Variants in TRAM1L1 observed in about 807,000 individuals in gnomAD.
The protein encoded by TRAM1L1 is translocating chain-associated membrane protein 1-like 1.
For missense variants in TRAM1L1, 451 were observed against 439.9 expected, an observed-to-expected ratio of 1.03 and a Z score of -0.23; for synonymous variants, 189 against 163.6, an observed-to-expected ratio of 1.16 and a Z score of -1.18.
rs369752111 is a variant in TRAM1L1, at chr4:117,084,259, A to G, written c.*25T>C. The G allele has an allele frequency of 6.4e-7, 1 of 1,562,266 alleles. No individual in the cohort carries two copies. The highest frequency in any genetic ancestry group is 8.6e-7 in the Non-Finnish European group (1 of 1,158,832). On this transcript the variant is annotated 3_prime_UTR_variant, in exon 1 of 1. Transcript: ENST00000310754. The stretch of plus-strand genomic sequence containing the variant: ...CCTCAAAGAGCAGATTCCTTTGCAG[A>G]CATTAATCAATGCGCTTGCAAAGAT...
In TRAM1L1 at chr4:117,085,308, C is replaced by A. The variant is rs1274029094; in HGVS notation, c.86G>T (p.Cys29Phe). The A allele has an allele frequency of 1.9e-6, 3 of 1,614,070 alleles. No individual in the cohort carries two copies. The highest frequency in any genetic ancestry group is 2.2e-5 in the East Asian group (1 of 44,828). The change falls in exon 1 of 1, where the codon TGC becomes TTC. Residue 29 changes from cysteine to phenylalanine, a missense_variant. Cys to Phe is a radical substitution (Grantham distance 205). Transcript: ENST00000310754. ...CCCCAGCAGGAAGAACATCCCCACG[C>A]AGGAGACGATGTCCGCATGATTCTG... is the stretch of plus-strand genomic sequence containing the variant. ...ILQNHADIVS[C>F]VGMFFLLGLV...
Position 117,084,760 on chromosome 4 carries a change from G to A in TRAM1L1, c.634C>T (p.Leu212Phe). The change falls in exon 1 of 1, where the codon CTC (leucine) becomes TTC (phenylalanine). Residue 212 changes from leucine (L) to phenylalanine (F), a missense_variant. Transcript: ENST00000310754. The stretch of plus-strand genomic sequence containing the variant: ...AGTCCCAAATGATTCAAGTACAAGA[G>A]ATAAGCTCCAGTAATGTGGAAGAGG... ...LHLFHITGAY[L>F]LYLNHLGLLL... is the part of the protein sequence containing the mutation. 1 of 1,614,192 alleles carries A rather than the reference G, an allele frequency of 6.2e-7. No individual in the cohort carries two copies. The highest frequency in any genetic ancestry group is 8.5e-7 in the Non-Finnish European group (1 of 1,180,038).
At position 117,084,970 on chromosome 4, in the gene TRAM1L1, AG is replaced by A; in HGVS notation, c.423del (p.Ser142LeufsTer19). 6.2e-7 allele frequency: 1 copy of A among 1,614,142 alleles called. No homozygotes were observed. The highest frequency in any genetic ancestry group is 8.5e-7 in the Non-Finnish European group (1 of 1,180,038). On this transcript the variant is annotated frameshift_variant, in exon 1 of 1. Transcript: ENST00000310754. LOFTEE classifies it low-confidence loss of function (END_TRUNC). ...GTTGGGTCTGACAGGCAGTTTTCAG[AG>A]ATTAAAATGAATGTGCCCCAAATAC... ...FSCIWGTFIL[I>X]SENCLSDPTL...
chr4:117,084,536 G>T lies in TRAM1L1; in HGVS notation c.858C>A (p.Ala286=). ...LAGSQNRNPD[A]LTGNVNVLAA... is the part of the protein sequence containing the mutation. ...CCAACACATTTACATTTCCAGTAAG[G>T]GCATCAGGATTCCGATTCTGCGATC... The change falls in exon 1 of 1, where the codon GCC becomes GCA. Residue 286 remains alanine, a synonymous_variant. Transcript: ENST00000310754. 6.2e-7 allele frequency: 1 copy of T among 1,614,052 alleles called. No individual in the cohort carries two copies. Among genetic ancestry groups the T allele is most frequent in the Non-Finnish European group, 8.5e-7 (1 of 1,180,018 alleles).
At position 117,084,908 on chromosome 4, in the gene TRAM1L1, T is replaced by G. The variant is rs1732420428; in HGVS notation, c.486A>C (p.Thr162=). ...ATATGTAGAAAAACTTCATTTGAAATGTCATCATGCTATGGGGACGAGCCT... is the reference window on the plus strand; with the variant it reads ...ATATGTAGAAAAACTTCATTTGAAAGGTCATCATGCTATGGGGACGAGCCT... ...IWKARPHSMM[T]FQMKFFYISQ... is the part of the protein sequence containing the mutation. Residue 162 remains threonine (T), a synonymous_variant, in exon 1 of 1, where the codon ACA becomes ACC. Coordinates refer to ENST00000310754, the MANE Select transcript of TRAM1L1 (RefSeq NM_152402.3). The G allele has an allele frequency of 6.2e-7, 1 of 1,614,126 alleles. No individual in the cohort carries two copies. The highest frequency in any genetic ancestry group is 1.3e-5 in the African/African-American group (1 of 75,022).
In TRAM1L1 at chr4:117,085,241, G is replaced by A. The variant is rs754643166; in HGVS notation, c.153C>T (p.Leu51=). Reference sequence around the variant, plus strand: ...GGACAGCAACACTGTGCTGAAGAGTGAGAAACACGATGGATGCTTCTGCTG... The same window carrying A: ...GGACAGCAACACTGTGCTGAAGAGTAAGAAACACGATGGATGCTTCTGCTG... ...EGTAEASIVF[L]TLQHSVAVPA... Residue 51 remains leucine (L), a synonymous_variant, in exon 1 of 1, where the codon CTC becomes CTT. Coordinates refer to ENST00000310754, the MANE Select transcript of TRAM1L1 (RefSeq NM_152402.3). The A allele has an allele frequency of 6.8e-6, 11 of 1,614,028 alleles. No individual in the cohort carries two copies. In the Admixed American group the frequency reaches 1.8e-4, roughly 27 times the overall value.
In TRAM1L1 at chr4:117,084,548, C is replaced by A. The variant is rs756351377; in HGVS notation, c.846G>T (p.Arg282=). 1.2e-6 allele frequency: 2 copies of A among 1,614,152 alleles called. No homozygotes were observed. The highest frequency in any genetic ancestry group is 1.7e-6 in the Non-Finnish European group (2 of 1,180,030). The part of the protein sequence containing the change: ...VGFHLAGSQN[R]NPDALTGNVN... The stretch of plus-strand genomic sequence containing the variant: ...CATTTCCAGTAAGGGCATCAGGATT[C>A]CGATTCTGCGATCCAGCCAGGTGAA... The change falls in exon 1 of 1, where the codon CGG becomes CGT. Residue 282 remains arginine, a synonymous_variant. Transcript: ENST00000310754.
At position 117,084,813 on chromosome 4, in the gene TRAM1L1, G is replaced by A; in HGVS notation, c.581C>T (p.Pro194Leu). 3.1e-6 allele frequency: 5 copies of A among 1,614,154 alleles called. No individual in the cohort carries two copies. Among genetic ancestry groups the A allele is most frequent in the Non-Finnish European group, 4.2e-6 (5 of 1,180,026 alleles). ...AAGACCAATGTAGACAAGTTGACGA[G>A]GGATGTCTTGTTTTTTGGTTTTCTG... ...YFQKTKKQDI[P>L]RQLVYIGLHL... The change falls in exon 1 of 1, where the codon CCT (proline) becomes CTT (leucine). Residue 194 changes from proline to leucine, a missense_variant. Physicochemically the swap from Pro to Leu is moderately conservative, Grantham distance 98 (BLOSUM62 -3). Coordinates refer to ENST00000310754, the MANE Select transcript of TRAM1L1 (RefSeq NM_152402.3).
rs1732403432 is a variant in TRAM1L1 at position 117,084,137 on chromosome 4, CAAATGTCTTTAAA to C, written c.*134_*146del. 1.3e-6 allele frequency: 1 copy of C among 780,036 alleles called. No homozygotes were observed. The highest frequency in any genetic ancestry group is 1.9e-6 in the Non-Finnish European group (1 of 514,672). 48.3% of individuals were successfully genotyped at this position (780,036 alleles called of 1,614,324 possible). ...CCATTCATAATAATCCTCCTCCCCT[CAAATGTCTTTAAA>C]AAATACATGAAACAGTTCAATAACA... On this transcript the variant is annotated 3_prime_UTR_variant, in exon 1 of 1. Transcript: ENST00000310754.
chr4:117,084,683 G>A lies in TRAM1L1; in HGVS notation c.711C>T (p.Gly237=), dbSNP rs1732414885. ...ACTTTTCATCACTAAAGTAAAACAG[G>A]CCGCACATGTGGGAAAGTAATTCAA... The part of the protein sequence containing the change: ...YFVELLSHMC[G]LFYFSDEKYQ... Residue 237 remains glycine (G), a synonymous_variant, in exon 1 of 1, where the codon GGC becomes GGT. Coordinates refer to ENST00000310754, the MANE Select transcript of TRAM1L1 (RefSeq NM_152402.3). 4.3e-6 allele frequency: 7 copies of A among 1,614,074 alleles called. No individual in the cohort carries two copies. The highest frequency in any genetic ancestry group is 3.3e-5 in the Admixed American group (2 of 60,008).
chr4:117,083,680 ATG>A lies in TRAM1L1; in HGVS notation c.*602_*603del, dbSNP rs1732390395. 6.6e-6 allele frequency: 1 copy of A among 152,586 alleles called. No homozygotes were observed. The highest frequency in any genetic ancestry group is 1.5e-5 in the Non-Finnish European group (1 of 68,018). 9.5% of individuals were successfully genotyped at this position (152,586 alleles called of 1,614,324 possible). ...AATATATATGGCAGCAAACCTCCAT[ATG>A]TGTTACCCATTAGTACTGTGTTTTT... On this transcript the variant is annotated 3_prime_UTR_variant, in exon 1 of 1. Coordinates refer to ENST00000310754, the MANE Select transcript of TRAM1L1 (RefSeq NM_152402.3).
At position 117,083,950 on chromosome 4, in the gene TRAM1L1, A is replaced by C. The variant is rs1732399775; in HGVS notation, c.*334T>G. On this transcript the variant is annotated 3_prime_UTR_variant, in exon 1 of 1. Transcript: ENST00000310754. ...ATTATGAAACACTGGTGGGAGTAAG[A>C]ACCAGTATCATTGATATGCAAAATT... The C allele has an allele frequency of 4.8e-6, 1 of 206,302 alleles. No homozygotes were observed. Among genetic ancestry groups the C allele is most frequent in the Non-Finnish European group, 9.7e-6 (1 of 103,570 alleles). 12.8% of individuals were successfully genotyped at this position (206,302 alleles called of 1,614,324 possible).
Position 117,085,464 on chromosome 4 carries a change from G to C in TRAM1L1, c.-71C>G. On this transcript the variant is annotated 5_prime_UTR_variant, in exon 1 of 1. Coordinates refer to ENST00000310754, the MANE Select transcript of TRAM1L1 (RefSeq NM_152402.3). ...CCTGGCTGCTCCTCACAGCGCCGCC[G>C]CCACGGTAGCAGCTCCGGGGGCTCC... The C allele has an allele frequency of 6.5e-7, 1 of 1,540,138 alleles. No individual in the cohort carries two copies. The highest frequency in any genetic ancestry group is 1.2e-5 in the South Asian group (1 of 80,568).
At position 117,084,296 on chromosome 4, in the gene TRAM1L1, C is replaced by T. The variant is rs201199191; in HGVS notation, c.1098G>A (p.Glu366=). 6.2e-7 allele frequency: 1 copy of T among 1,606,342 alleles called. No individual in the cohort carries two copies. The highest frequency in any genetic ancestry group is 1.3e-5 in the African/African-American group (1 of 74,332). ...NRVDCPPKRK[E]KSS ...GCGCTTGCAAAGATTATGAAGATTT[C>T]TCTTTCCTCTTTGGCGGACAGTCTA... Residue 366 remains glutamate (E), a synonymous_variant, in exon 1 of 1, where the codon GAG becomes GAA. Coordinates refer to ENST00000310754, the MANE Select transcript of TRAM1L1 (RefSeq NM_152402.3).
At position 117,084,419 on chromosome 4, in the gene TRAM1L1, T is replaced by C; in HGVS notation, c.975A>G (p.Glu325=). Residue 325 remains glutamate (E), a synonymous_variant, in exon 1 of 1, where the codon GAA becomes GAG. Transcript: ENST00000310754. ...LITLWLQRWV[E]DSNIQASCMK... ...TACATGAGGCCTGAATATTAGAATC[T>C]TCTACCCACCTCTGAAGCCAGAGAG... The C allele has an allele frequency of 6.2e-7, 1 of 1,614,184 alleles. No homozygotes were observed. The highest frequency in any genetic ancestry group is 1.7e-5 in the Admixed American group (1 of 60,008).
Position 117,085,389 on chromosome 4 carries a change from C to T in TRAM1L1, c.5G>A (p.Gly2Glu). Residue 2 changes from glycine (G) to glutamate (E), a missense_variant, in exon 1 of 1, where the codon GGG becomes GAG. Coordinates refer to ENST00000310754, the MANE Select transcript of TRAM1L1 (RefSeq NM_152402.3). ...GTTCTTGGTGCTCTTCTTACGGAGC[C>T]CCATGGTGGCGCTTCCCGGATACTC... is the stretch of plus-strand genomic sequence containing the variant. M[G>E]LRKKSTKNPP... 1 of 1,604,528 alleles carries T rather than the reference C, an allele frequency of 6.2e-7. No homozygotes were observed. The highest frequency in any genetic ancestry group is 8.5e-7 in the Non-Finnish European group (1 of 1,173,158).
chr4:117,084,471 T>G lies in TRAM1L1; in HGVS notation c.923A>C (p.Gln308Pro). 6.2e-7 allele frequency: 1 copy of G among 1,614,188 alleles called. No homozygotes were observed. Among genetic ancestry groups the G allele is most frequent in the Non-Finnish European group, 8.5e-7 (1 of 1,180,040 alleles). Residue 308 changes from glutamine (Q) to proline (P), a missense_variant, in exon 1 of 1, where the codon CAA becomes CCA. Transcript: ENST00000310754. ...IAVLSSSCTI[Q>P]AYVTWNLITL... The stretch of plus-strand genomic sequence containing the variant: ...AATTAAGTTCCATGTTACGTAGGCT[T>G]GGATCGTGCAACTGGACGACAGAAC...
rs1732406614 is a variant in TRAM1L1 at position 117,084,290 on chromosome 4, A to C, written c.1104T>G (p.Ser368=). Residue 368 remains serine, a synonymous_variant, in exon 1 of 1, where the codon TCT becomes TCG. Transcript: ENST00000310754. ...VDCPPKRKEK[S]S is the part of the protein sequence containing the mutation. ...ATCAATGCGCTTGCAAAGATTATGA[A>C]GATTTCTCTTTCCTCTTTGGCGGAC... 1.2e-6 allele frequency: 2 copies of C among 1,603,994 alleles called. No individual in the cohort carries two copies. Among genetic ancestry groups the C allele is most frequent in the South Asian group, 2.2e-5 (2 of 89,176 alleles).
rs144274050 is a variant in TRAM1L1 at position 117,085,318 on chromosome 4, T to C, written c.76A>G (p.Ile26Val). Residue 26 changes from isoleucine to valine, a missense_variant, in exon 1 of 1, where the codon ATC becomes GTC. Coordinates refer to ENST00000310754, the MANE Select transcript of TRAM1L1 (RefSeq NM_152402.3). Reference protein sequence around the residue: ...QEFILQNHADIVSCVGMFFLL... With the variant: ...QEFILQNHADVVSCVGMFFLL... ...AAGAACATCCCCACGCAGGAGACGA[T>C]GTCCGCATGATTCTGCAGGATGAAT... 1.4e-4 allele frequency: 218 copies of C among 1,614,056 alleles called. No homozygotes were observed. The highest frequency in any genetic ancestry group is 9.4e-4 in the South Asian group (86 of 91,072).
Sources: gnomAD v4.1 joint callset for allele counts on GRCh38, gnomAD v4.1.1 for gene constraint, MANE v1.5 for transcripts, NCBI Gene and HGNC (gene_info 2026-07-23, HGNC 2026-07-21) for gene names.